The following HHAT variants were observed in gnomAD, a reference collection of about 807,000 sequenced individuals.
The protein encoded by HHAT is protein-cysteine N-palmitoyltransferase HHAT.
Under a neutral mutation model 70.8 loss-of-function variants are expected in HHAT, and 47 were observed. That is an observed-to-expected ratio of 0.66 (90% CI 0.53 to 0.85). The LOEUF is 0.85. Ranked by LOEUF, HHAT falls within the 40% of genes least tolerant of loss-of-function variation. HHAT has a pLI of 0.00. For synonymous variants in HHAT, 228 were observed against 247.6 expected (o/e 0.92, Z 0.74); for missense variants, 609 against 604.8 (o/e 1.01, Z -0.07).
At chr1:210,649,357 C>T (rs1462637828) in intron 11 of HHAT, among the ~76,000 whole-genome samples, 1 of 152,216 alleles carries the variant, frequency 6.6e-6, no homozygotes, top group Non-Finnish European at 1.5e-5. Flanking sequence ...CATGGCTTCA[C>T]AAAATAAGCC....
At chr1:210,523,706 C>T (rs748965787) in intron 9 of HHAT, among the ~76,000 whole-genome samples, 2 of 152,210 alleles carry the variant, frequency 1.3e-5, no homozygotes, top group Admixed American at 1.3e-4. Context: ...TACCCCACAA[C>T]GTCTAATGTC....
At chr1:210,602,409 G>A (rs968695730) in intron 10 of HHAT, among the ~76,000 whole-genome samples, 6 of 152,172 alleles carry the variant, frequency 3.9e-5, no homozygotes, top group Admixed American at 3.9e-4. Context: ...GCACACTGGA[G>A]AATCAACAGT....
chr1:210,619,683 A>G (rs1042507768), intron 10 of HHAT, among the ~76,000 whole-genome samples: 1 of 152,126 alleles, frequency 6.6e-6, no homozygotes, highest in Admixed American at 6.5e-5. Flanking sequence ...CAAATGCCAC[A>G]TTGCCTTGTA....
At position 210,400,528 on chromosome 1, in the gene HHAT, C is replaced by G; in HGVS notation, c.334C>G (p.Pro112Ala). Reference protein sequence around the residue: ...MWACWCVLGTPGVAMVLLHTT... With the variant: ...MWACWCVLGTAGVAMVLLHTT... ...GGCCTGCTGGTGTGTGCTGGGGACCCCTGGTGTGGCTATGGTTTTGCTCCA... is the reference window on the plus strand; with the variant it reads ...GGCCTGCTGGTGTGTGCTGGGGACCGCTGGTGTGGCTATGGTTTTGCTCCA... Residue 112 changes from proline to alanine, a missense_variant, in exon 5 of 12, where the codon CCT becomes GCT. Pro to Ala is a conservative substitution (Grantham distance 27). Transcript: ENST00000261458. 1 of 1,614,016 alleles carries G rather than the reference C, an allele frequency of 6.2e-7. No homozygotes were observed. The highest frequency in any genetic ancestry group is 8.5e-7 in the Non-Finnish European group (1 of 1,180,006).
chr1:210,473,005 C>T (rs1045263606), intron 8 of HHAT, among the ~76,000 whole-genome samples: 1 of 152,122 alleles, frequency 6.6e-6, no homozygotes, highest in Non-Finnish European at 1.5e-5. Context: ...CAATAGATGG[C>T]AAATATATCC....
chr1:210,588,275 ATG>A (rs1660928104), intron 10 of HHAT, 176 bp downstream of exon 10: 1 of 594,574 alleles, frequency 1.7e-6, no homozygotes, highest in Non-Finnish European at 3.0e-6. Flanking sequence ...TAGTGCATAT[ATG>A]TGTGTTTGTG....
rs74645739 is a variant in HHAT at position 210,424,850 on chromosome 1, C to T, written c.856+6525C>T. ...TTGTAACAGCACTATTTATATTCCTCTCAGTATATACCCAGTAATGGGATT... is the reference window on the plus strand; with the variant it reads ...TTGTAACAGCACTATTTATATTCCTTTCAGTATATACCCAGTAATGGGATT... On this transcript the variant is annotated intron_variant, in intron 7 of 11. Coordinates refer to ENST00000261458, the MANE Select transcript of HHAT (RefSeq NM_018194.6). Among the ~76,000 whole-genome samples, 11 of 152,274 alleles carry T rather than the reference C, an allele frequency of 7.2e-5. No individual in the cohort carries two copies. The South Asian group carries it at 2.3e-3, about 32-fold the overall frequency.
At chr1:210,519,506 C>T (rs968124007) in intron 9 of HHAT, among the ~76,000 whole-genome samples, 1 of 149,912 alleles carries the variant, frequency 6.7e-6, no homozygotes, top group African/African-American at 2.4e-5. Context: ...ATCTGCACAT[C>T]CTTGCCAACA....
intron 9 of HHAT, among the ~76,000 whole-genome samples, chr1:210,546,347 T>A (rs1309766342): frequency 6.6e-6 from 1 of 152,188 alleles, no homozygotes; most frequent in African/African-American, 2.4e-5. Context: ...GAGGAAGCCA[T>A]GAAACATTTC....
chr1:210,446,588 A>G (rs746670532), intron 7 of HHAT, among the ~76,000 whole-genome samples: 3 of 152,110 alleles, frequency 2.0e-5, no homozygotes, highest in Non-Finnish European at 4.4e-5. Context: ...ACCGTGACTC[A>G]TCTCCTCCCA....
At chr1:210,441,798 G>A (rs67834052) in intron 7 of HHAT, among the ~76,000 whole-genome samples, 33,591 of 151,498 alleles carry the variant, frequency 0.22, 3,817 homozygotes, top group South Asian at 0.27. Context: ...AGATATACAC[G>A]TAAACATGTG....
intron 8 of HHAT, among the ~76,000 whole-genome samples, chr1:210,492,122 C>T (rs1244415370): frequency 6.6e-6 from 1 of 152,084 alleles, no homozygotes; most frequent in Non-Finnish European, 1.5e-5. Context: ...CACACGTACC[C>T]ACCTGCATCC....
chr1:210,465,462 A>C (rs964918869), intron 8 of HHAT, among the ~76,000 whole-genome samples: 1 of 152,210 alleles, frequency 6.6e-6, no homozygotes, highest in Admixed American at 6.5e-5. Flanking sequence ...CAGGGTCAGC[A>C]CTGGCACAAC....
chr1:210,658,767 C>T (rs553894546), intron 11 of HHAT, among the ~76,000 whole-genome samples: 219 of 152,320 alleles, frequency 1.4e-3, no homozygotes, highest in Middle Eastern at 6.8e-3. Flanking sequence ...CAAATTAGAA[C>T]TCAGGATTAA....
At chr1:210,413,083 T>C (rs1367939747) in intron 6 of HHAT, among the ~76,000 whole-genome samples, 3 of 152,248 alleles carry the variant, frequency 2.0e-5, no homozygotes, top group Admixed American at 6.5e-5. Flanking sequence ...TGGCCTGTGA[T>C]GATGGTGGCA....
intron 11 of HHAT, among the ~76,000 whole-genome samples, chr1:210,642,572 G>A (rs910613740): frequency 2.0e-5 from 3 of 152,124 alleles, no homozygotes; most frequent in Admixed American, 2.0e-4. Context: ...ATCTCATCAT[G>A]ATTTTAATTT....
chr1:210,487,352 TGGTCTCCTGCA>T (rs2094488457), intron 8 of HHAT, among the ~76,000 whole-genome samples: 1 of 152,168 alleles, frequency 6.6e-6, no homozygotes, highest in African/African-American at 2.4e-5. Context: ...AGCATAAACA[TGGTCTCCTGCA>T]GAGCCCCACA....
intron 7 of HHAT, among the ~76,000 whole-genome samples, chr1:210,441,461 G>A (rs1353379090): frequency 6.6e-6 from 1 of 152,096 alleles, no homozygotes; most frequent in Non-Finnish European, 1.5e-5. Context: ...GCACCCTCTG[G>A]CTGTCAAGTA....
Position 210,571,622 on chromosome 1 carries a change from C to T in HHAT, c.1044-16276C>T, listed in dbSNP as rs189669508. Among the ~76,000 whole-genome samples the T allele has an allele frequency of 4.0e-4, 61 of 152,258 alleles. 1 individual carries two copies. The East Asian group carries it at 0.011, about 27-fold the overall frequency. On this transcript the variant is annotated intron_variant, in intron 9 of 11. Coordinates refer to ENST00000261458, the MANE Select transcript of HHAT (RefSeq NM_018194.6). The stretch of plus-strand genomic sequence containing the variant: ...AGGTAAAGTCAAGCTCAGTACTCTT[C>T]GAGCCGTGAAACTTCTTTTCTCATC...
Sources: gnomAD v4.1 joint callset for allele counts (sites outside exome capture counted in the v4.1 genomes callset) on GRCh38, gnomAD v4.1.1 for gene constraint, MANE v1.5 for transcripts, NCBI Gene and HGNC (gene_info 2026-07-23, HGNC 2026-07-21) for gene names.